The following SLC24A3 variants were observed in gnomAD, a reference collection of about 807,000 sequenced individuals.
The protein encoded by SLC24A3 is sodium/potassium/calcium exchanger 3.
In SLC24A3, 28 loss-of-function variants were observed where a neutral mutation model predicts 75.8. The ratio of observed to expected loss-of-function variants is 0.37; its 90% CI spans 0.27 to 0.51. SLC24A3 has a LOEUF of 0.51. Ranked by LOEUF, SLC24A3 falls within the 20% of genes least tolerant of loss-of-function variation. The pLI is 0.94. For synonymous variants in SLC24A3, 372 were observed against 334.1 expected, an observed-to-expected ratio of 1.11 and a Z score of -1.24; for missense variants, 663 against 847.8, an observed-to-expected ratio of 0.78 and a Z score of 2.71.
chr20:19,262,356 G>A (rs1983016904), intron 1 of SLC24A3, among the ~76,000 whole-genome samples: 1 of 136,526 alleles, frequency 7.3e-6, no homozygotes, highest in Non-Finnish European at 1.5e-5. Flanking sequence ...AGTGAGCCGA[G>A]ATCGCGCCAC....
intron 2 of SLC24A3, among the ~76,000 whole-genome samples, chr20:19,347,051 A>C (rs1297589143): frequency 1.3e-5 from 2 of 152,222 alleles, no homozygotes; most frequent in Non-Finnish European, 2.9e-5. Context: ...GAAATGAGCC[A>C]TCAAGCCACA....
rs116608787 is a variant in SLC24A3 at position 19,232,821 on chromosome 20, G to A, written c.142+19837G>A. ...GGTGTCCTCACCTTGCCTCTTCAAC[G>A]TCAGCTTGTGCTTCTTCTATGGAAA... On this transcript the variant is annotated intron_variant, in intron 1 of 16. Coordinates refer to ENST00000328041, the MANE Select transcript of SLC24A3 (RefSeq NM_020689.4). 8.9e-3 allele frequency among the ~76,000 whole-genome samples: 1,357 copies of A among 152,290 alleles called. 20 individuals are homozygous for A. Among genetic ancestry groups the A allele is most frequent in the African/African-American group, 0.03 (1,238 of 41,556 alleles).
At chr20:19,333,300 C>T (rs558963277) in intron 2 of SLC24A3, among the ~76,000 whole-genome samples, 6 of 152,120 alleles carry the variant, frequency 3.9e-5, no homozygotes, top group East Asian at 1.9e-4. Flanking sequence ...CTTTTATCTT[C>T]CCCCCTGGAC....
chr20:19,343,164 G>A (rs1985314315), intron 2 of SLC24A3, among the ~76,000 whole-genome samples: 1 of 151,898 alleles, frequency 6.6e-6, no homozygotes, highest in Non-Finnish European at 1.5e-5. Flanking sequence ...ATGGAGTAGT[G>A]AAATCCCATA....
At chr20:19,607,004 G>A (rs2031605813) in intron 6 of SLC24A3, among the ~76,000 whole-genome samples, 1 of 152,150 alleles carries the variant, frequency 6.6e-6, no homozygotes, top group African/African-American at 2.4e-5. Context: ...GAGAATGTAG[G>A]CATAGAAGAG....
intron 2 of SLC24A3, among the ~76,000 whole-genome samples, chr20:19,462,158 C>T (rs1970351773): frequency 6.6e-6 from 1 of 152,184 alleles, no homozygotes; most frequent in Non-Finnish European, 1.5e-5. Context: ...CAGTAGTTCT[C>T]AAACTGTAGT....
intron 1 of SLC24A3, among the ~76,000 whole-genome samples, chr20:19,259,441 A>C (rs7272768): frequency 0.66 from 101,013 of 152,064 alleles, 34,172 homozygotes; most frequent in East Asian, 0.96. Flanking sequence ...ACAGTTCAGG[A>C]CCAGAGGCCT....
At position 19,684,473 on chromosome 20, in the gene SLC24A3, C is replaced by A. The variant is rs1280942469; in HGVS notation, c.1062+137C>A. ...CAGCATCCCTCAGCCATTTCCTAAT[C>A]TTAGTTCCCTGGGCCAGCTGTATAT... On this transcript the variant is annotated intron_variant, in intron 11 of 16. Transcript: ENST00000328041. The A allele has an allele frequency of 3.9e-6, 4 of 1,019,992 alleles. No homozygotes were observed. The East Asian group carries it at 8.0e-5, about 21-fold the overall frequency. 63.2% of individuals were successfully genotyped at this position (1,019,992 alleles called of 1,614,324 possible).
At chr20:19,679,386 G>A (rs933703793) in intron 9 of SLC24A3, among the ~76,000 whole-genome samples, 3 of 152,238 alleles carry the variant, frequency 2.0e-5, no homozygotes, top group African/African-American at 7.2e-5. Flanking sequence ...ACCTGCAATC[G>A]CAGGCACTCC....
intron 2 of SLC24A3, among the ~76,000 whole-genome samples, chr20:19,436,557 C>A (rs747749171): frequency 2.6e-5 from 4 of 152,210 alleles, no homozygotes; most frequent in Non-Finnish European, 2.9e-5. Flanking sequence ...AGCACTAGAG[C>A]AAAGGAGCCC....
intron 6 of SLC24A3, among the ~76,000 whole-genome samples, chr20:19,627,935 C>T (rs2031885026): frequency 6.6e-6 from 1 of 152,004 alleles, no homozygotes; most frequent in South Asian, 2.1e-4. Flanking sequence ...TTGTGGCTCA[C>T]TCCTGTAATC....
chr20:19,572,781 A>G (rs1045668886), intron 3 of SLC24A3, among the ~76,000 whole-genome samples: 3 of 152,220 alleles, frequency 2.0e-5, no homozygotes, highest in Admixed American at 1.3e-4. Context: ...TGGTTCCAGA[A>G]CAATGATATT....
Position 19,546,182 on chromosome 20 carries a change from AAAAAAAC to A in SLC24A3, c.348+30619_348+30625del, listed in dbSNP as rs1325186145. On this transcript the variant is annotated intron_variant, in intron 3 of 16. Coordinates refer to ENST00000328041, the MANE Select transcript of SLC24A3 (RefSeq NM_020689.4). The stretch of plus-strand genomic sequence containing the variant: ...TCAAAAAAAAAAAAAAAAAAAAAAA[AAAAAAAC>A]CAGGTAATCGACCTGAGCCTTCTTA... Among the ~76,000 whole-genome samples the A allele has an allele frequency of 8.6e-5, 12 of 140,306 alleles. No homozygotes were observed. In the South Asian group the frequency reaches 1.6e-3, roughly 19 times the overall value. The allele number at this position is 140,306 out of a possible 152,430, so 92.0% of individuals were successfully genotyped here. A position where few individuals can be genotyped will look rare whatever the true frequency, so the allele number is the denominator to read the frequency against.
At position 19,591,384 on chromosome 20, in the gene SLC24A3, C is replaced by T. The variant is rs6112480; in HGVS notation, c.612+5840C>T. 6.1e-3 allele frequency among the ~76,000 whole-genome samples: 927 copies of T among 152,242 alleles called. 6 individuals carry two copies. The highest frequency in any genetic ancestry group is 0.031 in the Middle Eastern group (9 of 294). ...AAATGAAGGAAATTTATAGATGTCT[C>T]TGAAAAATGCAAAGGAAAGTGGACA... On this transcript the variant is annotated intron_variant, in intron 6 of 16. Transcript: ENST00000328041.
chr20:19,361,323 C>G (rs1351899362), intron 2 of SLC24A3, among the ~76,000 whole-genome samples: 3 of 152,188 alleles, frequency 2.0e-5, no homozygotes, highest in African/African-American at 7.2e-5. Flanking sequence ...ATCCAGTTTC[C>G]TGATAGTGGC....
At chr20:19,688,045 C>A (rs4239733) in intron 12 of SLC24A3, among the ~76,000 whole-genome samples, 18,146 of 152,130 alleles carry the variant, frequency 0.12, 1,581 homozygotes, top group African/African-American at 0.24. Context: ...GTGGTCGTAC[C>A]ATCCCGTGGG....
At position 19,230,098 on chromosome 20, in the gene SLC24A3, A is replaced by G. The variant is rs78503112; in HGVS notation, c.142+17114A>G. On this transcript the variant is annotated intron_variant, in intron 1 of 16. Transcript: ENST00000328041. ...TTTTAGAAGAATAGTGTTTTACTTC[A>G]GATGTTGCAGAGAATTTTCAAAATT... Among the ~76,000 whole-genome samples, 329 of 151,278 alleles carry G rather than the reference A, an allele frequency of 2.2e-3. 2 individuals carry two copies. The East Asian group carries it at 0.04, about 18-fold the overall frequency.
chr20:19,397,412 T>C (rs954795971), intron 2 of SLC24A3, among the ~76,000 whole-genome samples: 1 of 152,112 alleles, frequency 6.6e-6, no homozygotes. Flanking sequence ...AAGAAACTAG[T>C]TGGAAACCCC....
At chr20:19,705,340 C>T (rs1417314676) in intron 15 of SLC24A3, among the ~76,000 whole-genome samples, 3 of 152,098 alleles carry the variant, frequency 2.0e-5, no homozygotes, top group African/African-American at 7.2e-5. Context: ...CTGGTCCCTC[C>T]CTGGCTCTCT....
Sources: gnomAD v4.1 joint callset for allele counts (sites outside exome capture counted in the v4.1 genomes callset) on GRCh38, gnomAD v4.1.1 for gene constraint, MANE v1.5 for transcripts, NCBI Gene and HGNC (gene_info 2026-07-23, HGNC 2026-07-21) for gene names.